CNTN5: variants seen among roughly 807,000 people sequenced by gnomAD.
CNTN5 encodes contactin-5.
Under a neutral mutation model 129.1 loss-of-function variants are expected in CNTN5, and 77 were observed. The ratio of observed to expected loss-of-function variants is 0.60; its 90% confidence interval spans 0.50 to 0.72. The LOEUF (loss-of-function observed/expected upper bound fraction) is 0.72. Ranked by LOEUF, CNTN5 falls within the 30% of genes least tolerant of loss-of-function variation. The probability of loss-of-function intolerance (pLI) is 0.00; values close to 1 mark genes in which losing one functional copy is unlikely to be tolerated. For synonymous variants in CNTN5, 509 were observed against 465.6 expected (o/e 1.09, Z -1.20); for missense variants, 1,478 against 1,328.8 (o/e 1.11, Z -1.75).
At chr11:100,077,080 A>G (rs781666676) in intron 13 of CNTN5, among the ~76,000 whole-genome samples, 2 of 152,164 alleles carry the variant, frequency 1.3e-5, no homozygotes, top group African/African-American at 4.8e-5. Flanking sequence ...CTTTAAAAGA[A>G]GTCTCAGTTA....
intron 1 of CNTN5, among the ~76,000 whole-genome samples, chr11:99,094,555 TAAAAG>T (rs1486688173): frequency 1.3e-5 from 2 of 151,916 alleles, no homozygotes; most frequent in Non-Finnish European, 2.9e-5. Flanking sequence ...CGTAATATCT[TAAAAG>T]ATAAGACAGC....
At chr11:99,639,079 A>G (rs1275694550) in intron 3 of CNTN5, among the ~76,000 whole-genome samples, 2 of 152,228 alleles carry the variant, frequency 1.3e-5, no homozygotes, top group African/African-American at 2.4e-5. Context: ...TCTGAAATCT[A>G]GGCAAAGGTT....
intron 4 of CNTN5, among the ~76,000 whole-genome samples, chr11:99,835,702 C>T (rs1947280882): frequency 1.3e-5 from 2 of 152,090 alleles, no homozygotes; most frequent in South Asian, 4.2e-4. Context: ...GTGAAGAAGG[C>T]TTGGAGCTCA....
chr11:99,952,197 A>G (rs1451743179), intron 7 of CNTN5, among the ~76,000 whole-genome samples: 1 of 152,194 alleles, frequency 6.6e-6, no homozygotes, highest in East Asian at 1.9e-4. Context: ...TCATAATGTC[A>G]CTAATTCAGA....
chr11:99,109,780 T>C (rs1857700537), intron 1 of CNTN5, among the ~76,000 whole-genome samples: 2 of 152,142 alleles, frequency 1.3e-5, no homozygotes, highest in South Asian at 4.1e-4. Flanking sequence ...AAAGTGACCA[T>C]AAACAATTCC....
At chr11:99,880,092 C>A (rs768941633) in intron 6 of CNTN5, among the ~76,000 whole-genome samples, 1 of 152,168 alleles carries the variant, frequency 6.6e-6, no homozygotes, top group Non-Finnish European at 1.5e-5. Flanking sequence ...AAGAAGTAAA[C>A]TGTATATAGT....
Position 100,149,893 on chromosome 11 carries a change from CAAAAAAAAAAAAAAGAAAAGAAAA to C in CNTN5, c.1581-41232_1581-41209del, listed in dbSNP as rs1354430209. On this transcript the variant is annotated intron_variant, in intron 13 of 24. Transcript: ENST00000524871. The stretch of plus-strand genomic sequence containing the variant: ...TGGGCGACAGGGTGAGACTCCATCT[CAAAAAAAAAAAAAAGAAAAGAAAA>C]GAAAAAAAAAATCTCATGGGGTAGA... Among the ~76,000 whole-genome samples, 7 of 117,112 alleles carry C rather than the reference CAAAAAAAAAAAAAAGAAAAGAAAA, an allele frequency of 6.0e-5. No individual in the cohort carries two copies. The East Asian group carries it at 1.6e-3, about 27-fold the overall frequency. 76.8% of individuals were successfully genotyped at this position (117,112 alleles called of 152,430 possible). A position where few individuals can be genotyped will look rare whatever the true frequency, so the allele number is the denominator to read the frequency against.
chr11:100,217,440 G>T (rs1949162959), intron 15 of CNTN5, among the ~76,000 whole-genome samples: 1 of 152,124 alleles, frequency 6.6e-6, no homozygotes, highest in East Asian at 1.9e-4. Context: ...TTACATAATT[G>T]TGCATGTGCT....
At chr11:100,280,767 T>C (rs1308777877) in intron 18 of CNTN5, among the ~76,000 whole-genome samples, 1 of 152,124 alleles carries the variant, frequency 6.6e-6, no homozygotes, top group Non-Finnish European at 1.5e-5. Context: ...CTTCTTTCCT[T>C]TCTTCCTGCC....
At chr11:99,171,791 C>A (rs1861161076) in intron 1 of CNTN5, among the ~76,000 whole-genome samples, 1 of 152,074 alleles carries the variant, frequency 6.6e-6, no homozygotes, top group South Asian at 2.1e-4. Context: ...CTGTTATTAT[C>A]ATTAAAGTAT....
intron 3 of CNTN5, among the ~76,000 whole-genome samples, chr11:99,633,322 G>T (rs1299965521): frequency 6.6e-6 from 1 of 152,166 alleles, no homozygotes; most frequent in Non-Finnish European, 1.5e-5. Context: ...GCATTGTATA[G>T]TAATGGCATA....
At chr11:99,824,176 A>G (rs1405364809) in intron 4 of CNTN5, among the ~76,000 whole-genome samples, 1 of 152,026 alleles carries the variant, frequency 6.6e-6, no homozygotes, top group Non-Finnish European at 1.5e-5. Flanking sequence ...CAATTTTTAT[A>G]TAAAAGCATT....
chr11:99,740,514 T>C (rs997021292), intron 3 of CNTN5, among the ~76,000 whole-genome samples: 4 of 152,100 alleles, frequency 2.6e-5, no homozygotes, highest in African/African-American at 9.7e-5. Flanking sequence ...AGAGAAGAAA[T>C]GTGGAGAGAC....
chr11:99,870,530 T>C (rs1364057068), intron 6 of CNTN5, among the ~76,000 whole-genome samples: 1 of 152,080 alleles, frequency 6.6e-6, no homozygotes, highest in African/African-American at 2.4e-5. Flanking sequence ...AGGTCACAAA[T>C]ACATCTTTTT....
chr11:99,474,899 T>G (rs1409826620), intron 2 of CNTN5, among the ~76,000 whole-genome samples: 1 of 152,214 alleles, frequency 6.6e-6, no homozygotes, highest in African/African-American at 2.4e-5. Context: ...TCTAGTAGTT[T>G]TTTCTCTTAG....
chr11:99,899,290 C>A (rs1180129438), intron 6 of CNTN5, among the ~76,000 whole-genome samples: 1 of 151,992 alleles, frequency 6.6e-6, no homozygotes, highest in East Asian at 1.9e-4. Flanking sequence ...AAGTAGCCAT[C>A]CTTGTCTTTT....
intron 16 of CNTN5, among the ~76,000 whole-genome samples, chr11:100,243,797 T>A (rs1473623830): frequency 6.6e-6 from 1 of 152,152 alleles, no homozygotes; most frequent in Non-Finnish European, 1.5e-5. Context: ...CATGTAGTCA[T>A]CACAATGATT....
At chr11:99,637,416 A>G (rs1173127484) in intron 3 of CNTN5, among the ~76,000 whole-genome samples, 1 of 152,220 alleles carries the variant, frequency 6.6e-6, no homozygotes, top group African/African-American at 2.4e-5. Flanking sequence ...AAACATAAGC[A>G]AACACATCAC....
intron 15 of CNTN5, among the ~76,000 whole-genome samples, chr11:100,197,652 C>G (rs563846172): frequency 5.5e-4 from 83 of 152,086 alleles, no homozygotes; most frequent in African/African-American, 1.8e-3. Flanking sequence ...GAGGACTGTG[C>G]TGAGCCACTG....
Sources: allele counts gnomAD v4.1 joint callset (sites outside exome capture counted in the v4.1 genomes callset), GRCh38; gene constraint gnomAD v4.1.1; transcripts MANE v1.5; gene names NCBI Gene and HGNC (gene_info 2026-07-23, HGNC 2026-07-21).